Variants in SLIT3 observed in about 807,000 individuals in gnomAD.
The protein encoded by SLIT3 is slit homolog 3 protein.
SLIT3 carries 68 observed loss-of-function variants against 184.0 expected under a neutral mutation model. The ratio of observed to expected loss-of-function variants is 0.37; its 90% CI spans 0.30 to 0.45. The LOEUF is 0.45. SLIT3 is among the 20% of genes least tolerant of loss of function. The probability of loss-of-function intolerance (pLI) is 1.00; values close to 1 mark genes in which losing one functional copy is unlikely to be tolerated. For missense variants in SLIT3, 1,707 were observed against 2,026.0 expected (o/e 0.84, Z 3.02); for synonymous variants, 831 against 828.6 (o/e 1.00, Z -0.05).
intron 4 of SLIT3, among the ~76,000 whole-genome samples, chr5:169,133,882 T>C (rs1053015288): frequency 3.3e-5 from 5 of 152,208 alleles, no homozygotes; most frequent in African/African-American, 4.8e-5. Context: ...GTAAAATAAT[T>C]AGCATGGCAT....
chr5:168,893,172 A>C (rs542367380), intron 4 of SLIT3, among the ~76,000 whole-genome samples: 32 of 152,154 alleles, frequency 2.1e-4, no homozygotes, highest in Admixed American at 5.2e-4. Context: ...ACCCAATGAG[A>C]AGTTCTGGTT....
chr5:169,212,916 C>T (rs1378141283), intron 3 of SLIT3, among the ~76,000 whole-genome samples: 1 of 152,174 alleles, frequency 6.6e-6, no homozygotes. Flanking sequence ...TTCCCCATTG[C>T]TTGTCTTTGT....
At chr5:168,917,116 G>A (rs572531573) in intron 4 of SLIT3, among the ~76,000 whole-genome samples, 2 of 152,298 alleles carry the variant, frequency 1.3e-5, no homozygotes, top group Admixed American at 6.5e-5. Flanking sequence ...GGGATGATGA[G>A]TAACTAGGAA....
chr5:169,137,702 C>T (rs962456771), intron 4 of SLIT3, among the ~76,000 whole-genome samples: 3 of 151,920 alleles, frequency 2.0e-5, no homozygotes, highest in African/African-American at 7.3e-5. Flanking sequence ...CCCTCACATC[C>T]TTGCCTTGCT....
chr5:168,730,236 A>T (rs546407292), intron 20 of SLIT3, among the ~76,000 whole-genome samples: 1 of 152,208 alleles, frequency 6.6e-6, no homozygotes, highest in South Asian at 2.1e-4. Flanking sequence ...AACAAATAAT[A>T]CTGGACCTAA....
At chr5:168,948,818 C>T (rs1384160332) in intron 4 of SLIT3, among the ~76,000 whole-genome samples, 4 of 152,196 alleles carry the variant, frequency 2.6e-5, no homozygotes, top group African/African-American at 9.7e-5. Flanking sequence ...CATCTGTGAG[C>T]ACCGCAGGGC....
intron 23 of SLIT3, among the ~76,000 whole-genome samples, chr5:168,713,717 G>A (rs17070417): frequency 0.049 from 7,444 of 152,240 alleles, 192 homozygotes; most frequent in African/African-American, 0.075. Context: ...ACAGAGACAT[G>A]AGCCTAATTA....
intron 4 of SLIT3, among the ~76,000 whole-genome samples, chr5:169,137,201 C>T (rs17070872): frequency 0.011 from 1,636 of 152,162 alleles, 29 homozygotes; most frequent in African/African-American, 0.037. Flanking sequence ...CCCAACTCTA[C>T]GGATGGGATA....
rs140518047 is a variant in SLIT3, at chr5:168,847,095, G to C, written c.486-2440C>G. Among the ~76,000 whole-genome samples the C allele has an allele frequency of 7.5e-3, 1,150 of 152,326 alleles. 18 individuals are homozygous for C. Among genetic ancestry groups the C allele is most frequent in the African/African-American group, 0.026 (1,100 of 41,558 alleles). On this transcript the variant is annotated intron_variant, in intron 5 of 35. Coordinates refer to ENST00000519560, the MANE Select transcript of SLIT3 (RefSeq NM_003062.4). Reference sequence around the variant, plus strand: ...TCTGATCATTTTCAGGCTAAAAGCAGAGACATCTAATATGTTACTAATTAC... The same window carrying C: ...TCTGATCATTTTCAGGCTAAAAGCACAGACATCTAATATGTTACTAATTAC...
intron 3 of SLIT3, among the ~76,000 whole-genome samples, chr5:169,211,775 G>A (rs1764273233): frequency 1.3e-5 from 2 of 152,102 alleles, no homozygotes; most frequent in South Asian, 4.1e-4. Flanking sequence ...TTCTCCTAAT[G>A]CTATCCCTCC....
rs59573859 is a variant in SLIT3 at position 168,884,427 on chromosome 5, T to TCACA, written c.414-1095_414-1092dup. On this transcript the variant is annotated intron_variant, in intron 4 of 35. Transcript: ENST00000519560. ...TAAAAGGTGTCTCTCTCTCTCTCTC[T>TCACA]CACACACACACACACACAGTGCTAT... 8.4e-3 allele frequency among the ~76,000 whole-genome samples: 1,218 copies of TCACA among 144,302 alleles called. 14 individuals are homozygous for TCACA. The highest frequency in any genetic ancestry group is 0.03 in the African/African-American group (1,142 of 38,650). The allele number at this position is 144,302 out of a possible 152,430, so 94.7% of individuals were successfully genotyped here. A position where few individuals can be genotyped will look rare whatever the true frequency, so the allele number is the denominator to read the frequency against.
chr5:168,951,606 C>G (rs1349470652), intron 4 of SLIT3, among the ~76,000 whole-genome samples: 1 of 152,170 alleles, frequency 6.6e-6, no homozygotes, highest in African/African-American at 2.4e-5. Context: ...CAACTGATTC[C>G]CAGCTATAAA....
intron 5 of SLIT3, among the ~76,000 whole-genome samples, chr5:168,863,036 A>G (rs1759169059): frequency 6.6e-6 from 1 of 152,198 alleles, no homozygotes; most frequent in African/African-American, 2.4e-5. Context: ...CTGGGGGTGC[A>G]GACGGAGACG....
At chr5:169,006,617 A>T (rs1173462534) in intron 4 of SLIT3, among the ~76,000 whole-genome samples, 1,825 of 151,090 alleles carry the variant, frequency 0.012, 84 homozygotes, top group East Asian at 0.087. Context: ...ACACACACAC[A>T]CACACACACA....
intron 24 of SLIT3, 93 bp from the exon 25 acceptor site, chr5:168,711,151 G>C (rs1451472258): frequency 1.5e-5 from 18 of 1,229,716 alleles, no homozygotes; most frequent in Non-Finnish European, 2.0e-5. Context: ...TTCAGACTTT[G>C]GCTAGACTGG....
intron 32 of SLIT3, among the ~76,000 whole-genome samples, chr5:168,682,304 T>G (rs894193777): frequency 6.6e-6 from 1 of 152,234 alleles, no homozygotes; most frequent in Non-Finnish European, 1.5e-5. Context: ...TTCTCTCTGC[T>G]CTCACAAGTT....
intron 5 of SLIT3, among the ~76,000 whole-genome samples, chr5:168,853,459 C>T (rs1211547780): frequency 1.3e-5 from 2 of 152,098 alleles, no homozygotes; most frequent in Admixed American, 6.6e-5. Flanking sequence ...CTTAACATTC[C>T]GTAAGCTGTA....
At chr5:168,919,554 A>C (rs1761567802) in intron 4 of SLIT3, among the ~76,000 whole-genome samples, 1 of 152,136 alleles carries the variant, frequency 6.6e-6, no homozygotes, top group East Asian at 1.9e-4. Context: ...AAAGAGACTT[A>C]AGCTTTTAAT....
chr5:168,852,182 C>A (rs1007163834), intron 5 of SLIT3, among the ~76,000 whole-genome samples: 2 of 152,206 alleles, frequency 1.3e-5, no homozygotes, highest in Non-Finnish European at 2.9e-5. Context: ...TGTGGTTCCT[C>A]CCCGGCAGAG....
Sources: gnomAD v4.1 joint callset for allele counts (sites outside exome capture counted in the v4.1 genomes callset) on GRCh38, gnomAD v4.1.1 for gene constraint, MANE v1.5 for transcripts, NCBI Gene and HGNC (gene_info 2026-07-23, HGNC 2026-07-21) for gene names.